CAMTA2: variants seen among roughly 807,000 people sequenced by gnomAD.
CAMTA2 encodes the protein calmodulin binding transcription activator 2, also known as calmodulin-binding transcription activator 2.
In CAMTA2, 56 loss-of-function variants were observed where a neutral mutation model predicts 135.7. That is an observed-to-expected ratio of 0.41 (90% CI 0.33 to 0.52). The LOEUF (loss-of-function observed/expected upper bound fraction) is 0.52. Among genes scored for constraint, CAMTA2 ranks in the 20% least tolerant of loss-of-function variants. CAMTA2 has a pLI of 0.16. For missense variants in CAMTA2, 1,358 were observed against 1,553.4 expected, an observed-to-expected ratio of 0.87 and a Z score of 2.11; for synonymous variants, 591 against 604.6, an observed-to-expected ratio of 0.98 and a Z score of 0.33.
At chr17:4,981,200 G>A (rs751254011) in intron 8 of CAMTA2, 25 bp downstream of exon 8, 1 of 1,610,714 alleles carries the variant, frequency 6.2e-7, no homozygotes, top group Admixed American at 1.7e-5. Flanking sequence ...TGGGAAGACA[G>A]CCAAAAGGTC....
rs1431956625 is a variant in CAMTA2, at chr17:4,980,162, C to T, written c.1160G>A (p.Gly387Asp). 6.3e-7 allele frequency: 1 copy of T among 1,583,214 alleles called. No individual in the cohort carries two copies. Among genetic ancestry groups the T allele is most frequent in the African/African-American group, 1.4e-5 (1 of 74,002 alleles). The change falls in exon 9 of 23, where the codon GGC becomes GAC. Residue 387 changes from glycine (G) to aspartate (D), a missense_variant. Physicochemically the swap from Gly to Asp is moderately conservative, Grantham distance 94. Around this residue, in one of 4 missense-constraint regions of CAMTA2, gnomAD observed 1,077 missense variants for 1,127.5 expected, o/e 0.96. Coordinates refer to ENST00000348066, the MANE Select transcript of CAMTA2 (RefSeq NM_015099.4). The surrounding 1 kb of genome is among the most constrained non-coding windows in gnomAD (Gnocchi z 5.3). ...PDRFLNSPQR[G>D]QTYGGGQGVS... The stretch of plus-strand genomic sequence containing the variant: ...TCCCTGCCCCCCTCCATATGTCTGG[C>T]CCCTCTGGGGGCTGTTGAGAAAACG...
chr17:4,979,600 A>G (rs1972834191), intron 9 of CAMTA2, 84 bp downstream of exon 9: 1 of 919,402 alleles, frequency 1.1e-6, no homozygotes, highest in African/African-American at 1.7e-5. Context: ...GTCACAGACC[A>G]CGGGGTAAGA....
chr17:4,985,812 C>G (rs911233896), intron 3 of CAMTA2, 68 bp downstream of exon 3: 6 of 941,494 alleles, frequency 6.4e-6, no homozygotes, highest in Non-Finnish European at 1.1e-5. Context: ...CACGGAAAGA[C>G]CCCCCACTCA....
intron 11 of CAMTA2, among the ~76,000 whole-genome samples, chr17:4,976,249 A>C (rs1597746878): frequency 6.6e-6 from 1 of 151,222 alleles, no homozygotes; most frequent in African/African-American, 2.4e-5. Flanking sequence ...CAGGTGATCC[A>C]CCCGCCTTGG....
rs1567680604 is a variant in CAMTA2 at position 4,968,903 on chromosome 17, G to C, written c.3545+4C>G. On this transcript the variant is annotated splice_donor_region_variant and intron_variant, in intron 22 of 22. Transcript: ENST00000348066. Reference sequence around the variant, plus strand: ...AAAAGCCCAGGGGGAGAAGGGATGAGTACCTGTGTCGGCAGCGCCGCAGGA... The same window carrying C: ...AAAAGCCCAGGGGGAGAAGGGATGACTACCTGTGTCGGCAGCGCCGCAGGA... 6.2e-7 allele frequency: 1 copy of C among 1,614,108 alleles called. No homozygotes were observed. The highest frequency in any genetic ancestry group is 1.7e-5 in the Admixed American group (1 of 60,026).
In CAMTA2 at chr17:4,987,644, AC is replaced by A. The variant is rs536535114; in HGVS notation, c.-117del. The A allele has an allele frequency of 1.5e-4, 226 of 1,500,062 alleles. No individual in the cohort carries two copies. The East Asian group carries it at 1.8e-3, about 12-fold the overall frequency. 92.9% of individuals were successfully genotyped at this position (1,500,062 alleles called of 1,614,324 possible). ...GCAGCGGCCATTCTACCCCACACCG[AC>A]CCCCCCCAGCGCCGGCTGACAGCGG... On this transcript the variant is annotated 5_prime_UTR_variant, in exon 1 of 23. Coordinates refer to ENST00000348066, the MANE Select transcript of CAMTA2 (RefSeq NM_015099.4).
intron 12 of CAMTA2, chr17:4,973,983 C>A: frequency 1.7e-6 from 1 of 576,544 alleles, no homozygotes; most frequent in Non-Finnish European, 3.1e-6. Context: ...ACAATCTTGC[C>A]CATGTGCCTT....
chr17:4,981,642 T>C, intron 7 of CAMTA2, 36 bp downstream of exon 7: 1 of 1,548,042 alleles, frequency 6.5e-7, no homozygotes, highest in Non-Finnish European at 8.7e-7. Flanking sequence ...GTTTCTACTC[T>C]CCCCTTGGAG....
chr17:4,968,610 TGGGGAGG>T lies in CAMTA2; in HGVS notation c.*139_*145del. The T allele has an allele frequency of 1.2e-6, 1 of 801,060 alleles. No homozygotes were observed. Among genetic ancestry groups the T allele is most frequent in the East Asian group, 2.6e-5 (1 of 37,738 alleles). 49.6% of individuals were successfully genotyped at this position (801,060 alleles called of 1,614,324 possible). On this transcript the variant is annotated 3_prime_UTR_variant, in exon 23 of 23. Transcript: ENST00000348066. ...AGGAGAGGGGTGTGGGAGCAAGGCG[TGGGGAGG>T]AGGGAGGAGGCCTACAGAGGGCTCC...
At chr17:4,986,727 A>G (rs1426506825) in intron 1 of CAMTA2, 1 of 554,598 alleles carries the variant, frequency 1.8e-6, no homozygotes, top group Non-Finnish European at 3.2e-6. Flanking sequence ...CCTTTAGAAG[A>G]CACGCCCTGA....
At position 4,972,794 on chromosome 17, in the gene CAMTA2, C is replaced by T. The variant is rs769052679; in HGVS notation, c.2478G>A (p.Ser826=). The change falls in exon 15 of 23, where the codon TCG becomes TCA. Residue 826 remains serine, a synonymous_variant. Transcript: ENST00000348066. ...EPSVEPPFAL[S]PPSSSPDTGL... is the part of the protein sequence containing the mutation. ...CAGTGTCTGGGCTGGAGGAGGGTGG[C>T]GATAGGGCAAATGGGGGCTCCACCG... 9 of 1,613,646 alleles carry T rather than the reference C, an allele frequency of 5.6e-6. No individual in the cohort carries two copies. The East Asian group carries it at 1.1e-4, about 20-fold the overall frequency.
Position 4,987,651 on chromosome 17 carries a change from C to CA in CAMTA2, c.-124_-123insT. The CA allele has an allele frequency of 2.6e-6, 4 of 1,521,828 alleles. No homozygotes were observed. Among genetic ancestry groups the CA allele is most frequent in the Non-Finnish European group, 3.5e-6 (4 of 1,139,858 alleles). The allele number at this position is 1,521,828 out of a possible 1,614,324, so 94.3% of individuals were successfully genotyped here. A position where few individuals can be genotyped will look rare whatever the true frequency, so the allele number is the denominator to read the frequency against. On this transcript the variant is annotated 5_prime_UTR_variant, in exon 1 of 23. Coordinates refer to ENST00000348066, the MANE Select transcript of CAMTA2 (RefSeq NM_015099.4). Reference sequence around the variant, plus strand: ...CCATTCTACCCCACACCGACCCCCCCCAGCGCCGGCTGACAGCGGCGTCTA... The same window carrying CA: ...CCATTCTACCCCACACCGACCCCCCCACAGCGCCGGCTGACAGCGGCGTCTA...
At chr17:4,982,648 G>A (rs1281252158) in intron 5 of CAMTA2, 109 bp downstream of exon 5, 2 of 1,197,762 alleles carry the variant, frequency 1.7e-6, no homozygotes, top group Non-Finnish European at 2.4e-6. Context: ...AGAGTAACTG[G>A]GAGGGGACTG....
Position 4,980,082 on chromosome 17 carries a change from CT to C in CAMTA2, c.1239del (p.Glu414SerfsTer20). ...TGGGGCTCCAGGGCAGCAGCAGGCT[CT>C]AGGGCAGAACAGGGGGTATGAGCGG... Reference protein sequence around the residue: ...AEAAHTPCSALEPAAALEPQA... With the variant: ...AEAAHTPCSAXEPAAALEPQA... On this transcript the variant is annotated frameshift_variant, in exon 9 of 23. Coordinates refer to ENST00000348066, the MANE Select transcript of CAMTA2 (RefSeq NM_015099.4). LOFTEE classifies it high-confidence loss of function. The surrounding 1 kb of genome is among the most constrained non-coding windows in gnomAD (Gnocchi z 5.3). 6.2e-7 allele frequency: 1 copy of C among 1,613,656 alleles called. No homozygotes were observed. The highest frequency in any genetic ancestry group is 8.5e-7 in the Non-Finnish European group (1 of 1,179,804).
intron 11 of CAMTA2, chr17:4,974,768 C>T: frequency 2.9e-6 from 1 of 349,324 alleles, no homozygotes; most frequent in Non-Finnish European, 5.3e-6. Flanking sequence ...AGTAGGATTC[C>T]CAAATGGTCA....
Position 4,972,351 on chromosome 17 carries a change from C to T in CAMTA2, c.2689G>A (p.Asp897Asn). ...CCCTTGGAGTTGGTAGCCTCATAGT[C>T]CATGAGGAGTAGGGGGGCTTCTGGG... ...GVPEAPLLLM[D>N]YEATNSKGPL... Residue 897 changes from aspartate to asparagine, a missense_variant, in exon 16 of 23, where the codon GAC becomes AAC. Asp to Asn is a conservative substitution (Grantham distance 23, BLOSUM62 1). Around this residue, in one of 4 missense-constraint regions of CAMTA2, gnomAD observed 1,077 missense variants for 1,127.5 expected, o/e 0.96. Coordinates refer to ENST00000348066, the MANE Select transcript of CAMTA2 (RefSeq NM_015099.4). 1 of 1,613,604 alleles carries T rather than the reference C, an allele frequency of 6.2e-7. No individual in the cohort carries two copies. Among genetic ancestry groups the T allele is most frequent in the African/African-American group, 1.3e-5 (1 of 75,000 alleles).
Position 4,981,233 on chromosome 17 carries a change from C to T in CAMTA2, c.692G>A (p.Gly231Glu). The T allele has an allele frequency of 6.2e-7, 1 of 1,613,642 alleles. No individual in the cohort carries two copies. Among genetic ancestry groups the T allele is most frequent in the Non-Finnish European group, 8.5e-7 (1 of 1,179,922 alleles). Residue 231 changes from glycine to glutamate, a missense_variant, in exon 8 of 23, where the codon GGG becomes GAG. Transcript: ENST00000348066. ...APRTHACLCS[G>E]GLGSGSLTHK... ...GTCAGGGAGTAACTTACCAAGCCCC[C>T]CACTGCAGAGACAGGCGTGGGTTCG...
At chr17:4,982,620 A>T (rs78055500) in intron 5 of CAMTA2, 137 bp downstream of exon 5, 77,827 of 963,312 alleles carry the variant, frequency 0.081, 3,752 homozygotes, top group Non-Finnish European at 0.094. Context: ...CAGCCGACCC[A>T]AAGTGAGTGA....
rs1324444565 is a variant in CAMTA2 at position 4,973,190 on chromosome 17, G to A, written c.2265C>T (p.Phe755=). The change falls in exon 14 of 23, where the codon TTC becomes TTT. Residue 755 remains phenylalanine, a synonymous_variant. Coordinates refer to ENST00000348066, the MANE Select transcript of CAMTA2 (RefSeq NM_015099.4). The part of the protein sequence containing the change: ...QEVDPLNVDH[F]SCTPLMWACA... ...TCATCCTCACCAGAGGGGTGCAAGA[G>A]AAATGATCCACGTTGAGCGGGTCAA... The A allele has an allele frequency of 6.2e-7, 1 of 1,613,532 alleles. No homozygotes were observed. The highest frequency in any genetic ancestry group is 2.2e-5 in the East Asian group (1 of 44,900).
Sources: allele counts gnomAD v4.1 joint callset (sites outside exome capture counted in the v4.1 genomes callset), GRCh38; gene constraint gnomAD v4.1.1; regional missense constraint gnomAD v4.1.1; non-coding constraint Gnocchi (gnomAD v3.1); transcripts MANE v1.5; gene names NCBI Gene and HGNC (gene_info 2026-07-23, HGNC 2026-07-21).